PRKCA: variants seen among roughly 807,000 people sequenced by gnomAD.
PRKCA encodes protein kinase C alpha type.
In PRKCA, 27 loss-of-function variants were observed where a neutral mutation model predicts 87.0. That is an observed-to-expected ratio of 0.31 (90% confidence interval 0.23 to 0.43). PRKCA has a LOEUF of 0.43. Ranked by LOEUF, PRKCA falls within the 20% of genes least tolerant of loss-of-function variation. The pLI is 1.00. For synonymous variants in PRKCA, 329 were observed against 311.1 expected (o/e 1.06, Z -0.61); for missense variants, 518 against 852.3 (o/e 0.61, Z 4.88).
At chr17:66,373,416 A>C (rs1352333842) in intron 2 of PRKCA, among the ~76,000 whole-genome samples, 1 of 152,184 alleles carries the variant, frequency 6.6e-6, no homozygotes, top group Non-Finnish European at 1.5e-5. Flanking sequence ...AATGTTCCCC[A>C]AAAGCCCATG....
chr17:66,432,979 T>C (rs747016680), intron 2 of PRKCA, among the ~76,000 whole-genome samples: 1 of 152,132 alleles, frequency 6.6e-6, no homozygotes, highest in East Asian at 1.9e-4. Flanking sequence ...CCAGGCTCTT[T>C]GTGAGGTGTG....
chr17:66,596,180 C>A (rs1446896665), intron 3 of PRKCA, among the ~76,000 whole-genome samples: 1 of 152,180 alleles, frequency 6.6e-6, no homozygotes, highest in African/African-American at 2.4e-5. Flanking sequence ...TCTCCCAGGG[C>A]TGGCTTGATA....
intron 2 of PRKCA, among the ~76,000 whole-genome samples, chr17:66,380,050 T>G (rs1909693439): frequency 6.6e-6 from 1 of 152,122 alleles, no homozygotes; most frequent in Non-Finnish European, 1.5e-5. Flanking sequence ...TTTAAGGGAA[T>G]AAATAAATGC....
intron 2 of PRKCA, among the ~76,000 whole-genome samples, chr17:66,393,034 A>G (rs1567805784): frequency 6.6e-6 from 1 of 152,164 alleles, no homozygotes; most frequent in Non-Finnish European, 1.5e-5. Context: ...ATGATGGAAA[A>G]CAAATACTGA....
intron 2 of PRKCA, among the ~76,000 whole-genome samples, chr17:66,465,854 C>CT (rs1283615803): frequency 6.6e-6 from 1 of 152,072 alleles, no homozygotes; most frequent in African/African-American, 2.4e-5. Flanking sequence ...ATTTTAAATG[C>CT]TTTTTGGAGT....
chr17:66,752,911 C>T (rs1376385612), intron 13 of PRKCA, among the ~76,000 whole-genome samples: 1 of 152,172 alleles, frequency 6.6e-6, no homozygotes, highest in African/African-American at 2.4e-5. Flanking sequence ...AGGTCAAAGA[C>T]AGTGAGGACC....
At chr17:66,615,792 T>G (rs1016156213) in intron 3 of PRKCA, among the ~76,000 whole-genome samples, 1 of 152,072 alleles carries the variant, frequency 6.6e-6, no homozygotes, top group Admixed American at 6.5e-5. Context: ...GAAATCCCTT[T>G]CCTTATGTTC....
intron 3 of PRKCA, among the ~76,000 whole-genome samples, chr17:66,587,057 C>T (rs1053365029): frequency 1.3e-5 from 2 of 152,142 alleles, no homozygotes; most frequent in African/African-American, 4.8e-5. Flanking sequence ...AGAAACCTCA[C>T]AATGTCTGTC....
At chr17:66,462,439 G>A (rs1332863658) in intron 2 of PRKCA, among the ~76,000 whole-genome samples, 1 of 152,192 alleles carries the variant, frequency 6.6e-6, no homozygotes, top group Non-Finnish European at 1.5e-5. Context: ...TACTTCCCAT[G>A]TAGCAGTTCC....
chr17:66,603,044 C>G (rs1475763416), intron 3 of PRKCA, among the ~76,000 whole-genome samples: 1 of 152,226 alleles, frequency 6.6e-6, no homozygotes, highest in East Asian at 1.9e-4. Flanking sequence ...CCTAATCTTT[C>G]ATGGTCATGT....
At chr17:66,736,762 A>G (rs1369602370) in intron 10 of PRKCA, among the ~76,000 whole-genome samples, 4 of 152,226 alleles carry the variant, frequency 2.6e-5, no homozygotes, top group Admixed American at 6.5e-5. Context: ...CCAAAGAGTC[A>G]TATATCGTGA....
chr17:66,518,512 G>A lies in PRKCA; in HGVS notation c.288+22229G>A, dbSNP rs567964631. ...GTTTATTTACCACAGCATTTGAACT[G>A]TCAGGATTTTACTGTGAATGCTACC... is the stretch of plus-strand genomic sequence containing the variant. On this transcript the variant is annotated intron_variant, in intron 3 of 16. Transcript: ENST00000413366. 7.8e-4 allele frequency among the ~76,000 whole-genome samples: 118 copies of A among 152,242 alleles called. 1 individual carries two copies. The highest frequency in any genetic ancestry group is 1.7e-3 in the South Asian group (8 of 4,806).
chr17:66,680,200 G>C (rs942877471), intron 5 of PRKCA, among the ~76,000 whole-genome samples: 7 of 152,158 alleles, frequency 4.6e-5, no homozygotes, highest in Non-Finnish European at 8.8e-5. Flanking sequence ...TTCTTTTGCT[G>C]TGGGTAACTT....
chr17:66,738,924 C>T (rs56300655), intron 11 of PRKCA, 69 bp downstream of exon 11: 171 of 464,304 alleles, frequency 3.7e-4, no homozygotes, highest in Middle Eastern at 1.7e-3. Flanking sequence ...TTCCTTTTTT[C>T]CCCCCCGCTT....
rs145796685 is a variant in PRKCA at position 66,689,613 on chromosome 17, C to T, written c.918+566C>T. Among the ~76,000 whole-genome samples the T allele has an allele frequency of 4.3e-3, 648 of 152,316 alleles. 2 individuals are homozygous for T. The highest frequency in any genetic ancestry group is 7.2e-3 in the Non-Finnish European group (489 of 68,024). On this transcript the variant is annotated intron_variant, in intron 8 of 16. Transcript: ENST00000413366. This position sits in a 1 kb window ranked among gnomAD's most constrained non-coding sequence, Gnocchi z 4.1. Reference sequence around the variant, plus strand: ...TTCCTCTTGGTATTTGTGTTTGCCTCTGTCCCGGATTCACTGGTCTTTTTA... The same window carrying T: ...TTCCTCTTGGTATTTGTGTTTGCCTTTGTCCCGGATTCACTGGTCTTTTTA...
intron 3 of PRKCA, among the ~76,000 whole-genome samples, chr17:66,511,924 A>C (rs1396653553): frequency 6.6e-6 from 1 of 151,058 alleles, no homozygotes; most frequent in African/African-American, 2.4e-5. Context: ...CGGGTGTTCT[A>C]CCCCCCTCAG....
chr17:66,450,590 GGAA>G (rs10556792), intron 2 of PRKCA, among the ~76,000 whole-genome samples: 35,675 of 151,932 alleles, frequency 0.23, 4,515 homozygotes, highest in East Asian at 0.42. Context: ...AGCTGCGGTT[GGAA>G]GAAGACCTCA....
intron 2 of PRKCA, among the ~76,000 whole-genome samples, chr17:66,475,401 T>G (rs73334709): frequency 0.014 from 2,154 of 152,314 alleles, 47 homozygotes; most frequent in African/African-American, 0.049. Context: ...GCTGTCGATC[T>G]GCATTTCTGT....
At chr17:66,380,802 T>G (rs1909734818) in intron 2 of PRKCA, among the ~76,000 whole-genome samples, 1 of 152,158 alleles carries the variant, frequency 6.6e-6, no homozygotes, top group Admixed American at 6.5e-5. Context: ...ATCACGATAG[T>G]TTAACCAATG....
Sources: gnomAD v4.1 joint callset for allele counts (sites outside exome capture counted in the v4.1 genomes callset) on GRCh38, gnomAD v4.1.1 for gene constraint, Gnocchi (gnomAD v3.1) non-coding constraint, MANE v1.5 for transcripts, NCBI Gene and HGNC (gene_info 2026-07-23, HGNC 2026-07-21) for gene names.